BPIFB3: variants seen among roughly 807,000 people sequenced by gnomAD.
The protein encoded by BPIFB3 is BPI fold-containing family B member 3.
In BPIFB3, 49 loss-of-function variants were observed where a neutral mutation model predicts 53.1. The ratio of observed to expected loss-of-function variants is 0.92; its 90% CI spans 0.73 to 1.17. BPIFB3 has a LOEUF of 1.17. Ranked by LOEUF, BPIFB3 falls within the 50% of genes most tolerant of loss-of-function variation. The probability of loss-of-function intolerance (pLI) is 0.00; values close to 1 mark genes in which losing one functional copy is unlikely to be tolerated. For missense variants in BPIFB3, 628 were observed against 592.5 expected, an observed-to-expected ratio of 1.06 and a Z score of -0.62; for synonymous variants, 271 against 269.6, an observed-to-expected ratio of 1.01 and a Z score of -0.05.
Position 33,059,457 on chromosome 20 carries a change from A to G in BPIFB3, c.361A>G (p.Thr121Ala), listed in dbSNP as rs140480951. The G allele has an allele frequency of 8.7e-6, 14 of 1,612,074 alleles. No individual in the cohort carries two copies. Among genetic ancestry groups the G allele is most frequent in the African/African-American group, 1.3e-5 (1 of 74,842 alleles). The change falls in exon 3 of 15, where the codon ACC (threonine) becomes GCC (alanine). Residue 121 changes from threonine to alanine, a missense_variant. By Grantham distance (58) the Thr-to-Ala change is moderately conservative. Transcript: ENST00000375494. ...ATTTGGGGTGCAGCTGAGCCTGCAC[A>G]CCAAAGTGGGCATGCATTGCTCTGG...
At position 33,071,361 on chromosome 20, in the gene BPIFB3, G is replaced by A. The variant is rs184868500; in HGVS notation, c.1260+66G>A. 30 of 1,525,458 alleles carry A rather than the reference G, an allele frequency of 2.0e-5. No homozygotes were observed. The African/African-American group carries it at 3.9e-4, about 20-fold the overall frequency. 94.5% of individuals were successfully genotyped at this position (1,525,458 alleles called of 1,614,324 possible). On this transcript the variant is annotated intron_variant, in intron 12 of 14. Transcript: ENST00000375494. Reference sequence around the variant, plus strand: ...GTCTTCAGGTGTGGCATGGAAAGGGGGTGGCCATGAGTCATGGGCCATATG... The same window carrying A: ...GTCTTCAGGTGTGGCATGGAAAGGGAGTGGCCATGAGTCATGGGCCATATG...
At chr20:33,072,272 G>A (rs1980937208) in intron 13 of BPIFB3, 105 bp downstream of exon 14, 8 of 1,240,026 alleles carry the variant, frequency 6.5e-6, no homozygotes, top group Admixed American at 3.6e-5. Context: ...AGGCCAGAGA[G>A]AGAGGTCGAT....
At chr20:33,054,004 C>T (rs897232716), upstream of BPIFB3, among the ~76,000 whole-genome samples, 1 of 152,124 alleles carries the variant, frequency 6.6e-6, no homozygotes, top group Non-Finnish European at 1.5e-5. Flanking sequence ...TGTCCTGACG[C>T]CCAGCCGTTG....
intron 9 of BPIFB3, 27 bp downstream of exon 10, chr20:33,066,904 T>C (rs372706723): frequency 1.2e-6 from 2 of 1,607,698 alleles, no homozygotes; most frequent in African/African-American, 2.7e-5. Flanking sequence ...TGGGTTTTGA[T>C]CATTGTAGCT....
chr20:33,063,666 G>A (rs143918747), exon 6 of BPIFB3: 1 of 1,613,888 alleles, frequency 6.2e-7, no homozygotes, highest in East Asian at 2.2e-5. Flanking sequence ...GCTCCTGGGG[G>A]CTGTGCTGGG....
chr20:33,060,052 C>T, intron 4 of BPIFB3, 21 bp downstream of exon 5: 1 of 1,612,146 alleles, frequency 6.2e-7, no homozygotes. Context: ...AGGTTCCAGC[C>T]TGCAACCCTG....
chr20:33,059,282 G>C, intron 2 of BPIFB3, 96 bp from the exon 4 acceptor site: 1 of 805,294 alleles, frequency 1.2e-6, no homozygotes, highest in Non-Finnish European at 2.1e-6. Flanking sequence ...CTGTGGGTTT[G>C]AGGTGAGATA....
At chr20:33,073,631 C>G (rs748953548), downstream of BPIFB3, 1 of 1,613,340 alleles carries the variant, frequency 6.2e-7, no homozygotes, top group East Asian at 2.2e-5. Context: ...ACCAGCCTTC[C>G]CTGTTGACTA....
chr20:33,071,380 C>A, intron 12 of BPIFB3, 85 bp downstream of exon 13: 1 of 1,425,760 alleles, frequency 7.0e-7, no homozygotes. Flanking sequence ...GAGTCATGGG[C>A]CATATGACTG....
intron 4 of BPIFB3, 23 bp downstream of exon 5, chr20:33,060,054 G>A: frequency 6.2e-7 from 1 of 1,611,818 alleles, no homozygotes; most frequent in South Asian, 1.1e-5. Flanking sequence ...GTTCCAGCCT[G>A]CAACCCTGAC....
At chr20:33,055,074 T>A (rs1980134339), upstream of BPIFB3, among the ~76,000 whole-genome samples, 1 of 152,160 alleles carries the variant, frequency 6.6e-6, no homozygotes, top group Non-Finnish European at 1.5e-5. Flanking sequence ...GGATGAAGAT[T>A]TTTATGTCAG....
At chr20:33,054,469 T>C (rs564307011), upstream of BPIFB3, among the ~76,000 whole-genome samples, 25 of 152,266 alleles carry the variant, frequency 1.6e-4, no homozygotes, top group South Asian at 5.2e-3. Flanking sequence ...TTAGACAAAG[T>C]GAAGGACGGA....
intron 2 of BPIFB3, among the ~76,000 whole-genome samples, chr20:33,058,543 C>T (rs896726019): frequency 3.3e-5 from 5 of 151,896 alleles, no homozygotes; most frequent in Non-Finnish European, 5.9e-5. Flanking sequence ...GAAATAGAGC[C>T]GGGCAGAGAG....
At position 33,066,811 on chromosome 20, in the gene BPIFB3, A is replaced by T. The variant is rs746953454; in HGVS notation, c.925-13A>T. ...TCTGTGCTCACCAACCCTCTCTCCC[A>T]TTGGGGGTCCAGGTTCCCAGCGATG... On this transcript the variant is annotated splice_polypyrimidine_tract_variant and intron_variant, in intron 8 of 14. Transcript: ENST00000375494. 1.2e-6 allele frequency: 2 copies of T among 1,613,934 alleles called. No homozygotes were observed. Among genetic ancestry groups the T allele is most frequent in the Non-Finnish European group, 1.7e-6 (2 of 1,179,828 alleles).
At chr20:33,053,989 G>C (rs562161723), upstream of BPIFB3, among the ~76,000 whole-genome samples, 7 of 152,238 alleles carry the variant, frequency 4.6e-5, no homozygotes, top group South Asian at 1.5e-3. Context: ...AGGCAGCCCT[G>C]CTCTTGTCCT....
chr20:33,061,669 A>T, intron 4 of BPIFB3, 99 bp from the exon 6 acceptor site: 1 of 1,168,070 alleles, frequency 8.6e-7, no homozygotes, highest in East Asian at 2.6e-5. Context: ...AAGAGAAGGG[A>T]GAGGAGAAAT....
chr20:33,064,086 T>C (rs1980563744), intron 6 of BPIFB3, among the ~76,000 whole-genome samples: 1 of 152,168 alleles, frequency 6.6e-6, no homozygotes, highest in Non-Finnish European at 1.5e-5. Context: ...CACAAGTGCC[T>C]TCTGTGTTCA....
chr20:33,054,374 G>A (rs1980108604), upstream of BPIFB3, among the ~76,000 whole-genome samples: 1 of 152,094 alleles, frequency 6.6e-6, no homozygotes, highest in Admixed American at 6.5e-5. Context: ...GAGAAATAAG[G>A]ACACAAACAG....
intron 4 of BPIFB3, among the ~76,000 whole-genome samples, chr20:33,060,566 T>TTTTC (rs1160679738): frequency 6.6e-6 from 1 of 151,884 alleles, no homozygotes; most frequent in Non-Finnish European, 1.5e-5. Flanking sequence ...ACTTTTTTCT[T>TTTTC]TTTCTTTTTC....
Sources: allele counts gnomAD v4.1 joint callset (sites outside exome capture counted in the v4.1 genomes callset), GRCh38; gene constraint gnomAD v4.1.1; transcripts MANE v1.5; gene names NCBI Gene and HGNC (gene_info 2026-07-23, HGNC 2026-07-21).